The following GRIK2 variants were observed in gnomAD, a reference collection of about 807,000 sequenced individuals.
GRIK2 encodes the protein glutamate ionotropic receptor kainate type subunit 2, also known as glutamate receptor ionotropic, kainate 2.
A neutral mutation model predicts 100.3 loss-of-function variants in GRIK2; 32 were observed. The observed-to-expected ratio is 0.32, with a 90% CI of 0.24 to 0.43. The LOEUF is 0.43. GRIK2 is among the 20% of genes least tolerant of loss of function. The pLI, the probability that GRIK2 is intolerant of heterozygous loss-of-function variation, is 1.00. For missense variants in GRIK2, 843 were observed against 1,114.9 expected (o/e 0.76, Z 3.47); for synonymous variants, 417 against 389.4 (o/e 1.07, Z -0.83).
chr6:101,623,991 T>C (rs1302013214), intron 3 of GRIK2, among the ~76,000 whole-genome samples: 1 of 152,052 alleles, frequency 6.6e-6, no homozygotes, highest in Non-Finnish European at 1.5e-5. Flanking sequence ...AAAATAACTT[T>C]AGATATTTTA....
intron 7 of GRIK2, among the ~76,000 whole-genome samples, chr6:101,692,864 T>G (rs1772207358): frequency 6.6e-6 from 1 of 152,134 alleles, no homozygotes; most frequent in South Asian, 2.1e-4. Context: ...TTTCAGAGTA[T>G]GTAATGAAGT....
chr6:101,683,727 A>G (rs924001741), intron 6 of GRIK2, among the ~76,000 whole-genome samples: 1 of 152,224 alleles, frequency 6.6e-6, no homozygotes, highest in Non-Finnish European at 1.5e-5. Flanking sequence ...GAATTACTGT[A>G]TACTGTAAAA....
chr6:102,046,135 C>A (rs1770874972), intron 15 of GRIK2, among the ~76,000 whole-genome samples: 2 of 151,878 alleles, frequency 1.3e-5, no homozygotes, highest in Admixed American at 1.3e-4. Flanking sequence ...ATCAAGAGGA[C>A]ATAATAATTG....
chr6:101,784,170 A>C (rs1779280322), intron 7 of GRIK2, among the ~76,000 whole-genome samples: 1 of 152,220 alleles, frequency 6.6e-6, no homozygotes, highest in South Asian at 2.1e-4. Context: ...TCCTTCCATC[A>C]CAGGCCCAGA....
chr6:101,613,336 C>T (rs997681950), intron 2 of GRIK2, among the ~76,000 whole-genome samples: 5 of 151,850 alleles, frequency 3.3e-5, no homozygotes, highest in African/African-American at 1.2e-4. Flanking sequence ...TGATTTTTAT[C>T]ACTGACTTAG....
intron 2 of GRIK2, among the ~76,000 whole-genome samples, chr6:101,539,767 A>G (rs1337340577): frequency 6.6e-6 from 1 of 151,712 alleles, no homozygotes; most frequent in Non-Finnish European, 1.5e-5. Context: ...CATGAAAAAA[A>G]TTTTGTTTTG....
At chr6:101,832,757 C>T (rs1782786263) in intron 10 of GRIK2, among the ~76,000 whole-genome samples, 1 of 152,172 alleles carries the variant, frequency 6.6e-6, no homozygotes, top group African/African-American at 2.4e-5. Context: ...TCTTTCAATA[C>T]AGGTGCCCAT....
intron 12 of GRIK2, among the ~76,000 whole-genome samples, chr6:101,920,943 C>T (rs181264984): frequency 3.3e-5 from 5 of 151,466 alleles, no homozygotes; most frequent in South Asian, 2.1e-4. Flanking sequence ...AACTGGGAAG[C>T]GGTATATAGA....
At chr6:101,829,694 G>T (rs538587878) in intron 10 of GRIK2, among the ~76,000 whole-genome samples, 1 of 151,618 alleles carries the variant, frequency 6.6e-6, no homozygotes, top group African/African-American at 2.4e-5. Context: ...TAAAAAATGC[G>T]AAATGTCTTT....
At chr6:102,035,160 G>T (rs988228935) in intron 14 of GRIK2, among the ~76,000 whole-genome samples, 181 bp from the exon 15 acceptor site, 1 of 148,414 alleles carries the variant, frequency 6.7e-6, no homozygotes, top group African/African-American at 2.5e-5. Context: ...AAATTGCTAT[G>T]AGACAGTCAT....
chr6:101,466,919 G>C (rs565364600), intron 2 of GRIK2, among the ~76,000 whole-genome samples: 1 of 152,136 alleles, frequency 6.6e-6, no homozygotes, highest in Non-Finnish European at 1.5e-5. Context: ...AATTTTAAAG[G>C]TGTTCATTTA....
intron 12 of GRIK2, among the ~76,000 whole-genome samples, chr6:101,921,034 C>T (rs1019946163): frequency 7.9e-5 from 12 of 151,656 alleles, no homozygotes; most frequent in African/African-American, 2.4e-4. Flanking sequence ...TAGTATAGTG[C>T]CAATGGGAAT....
intron 4 of GRIK2, among the ~76,000 whole-genome samples, chr6:101,669,217 A>G (rs1050031591): frequency 2.6e-5 from 4 of 152,198 alleles, no homozygotes; most frequent in African/African-American, 2.4e-5. Flanking sequence ...GGCTGTTTTA[A>G]GGAGTTATAA....
chr6:101,625,890 C>A (rs1249090303), intron 3 of GRIK2, among the ~76,000 whole-genome samples: 1 of 152,034 alleles, frequency 6.6e-6, no homozygotes, highest in Non-Finnish European at 1.5e-5. Flanking sequence ...GCTGAGTGTT[C>A]GCATAACCCG....
intron 2 of GRIK2, among the ~76,000 whole-genome samples, chr6:101,433,887 C>T (rs1331622267): frequency 6.6e-6 from 1 of 152,094 alleles, no homozygotes; most frequent in Non-Finnish European, 1.5e-5. Context: ...TCAAGAGTAG[C>T]TTAAGGAACA....
At chr6:102,064,334 CTT>C (rs965103981) in intron 16 of GRIK2, among the ~76,000 whole-genome samples, 21 of 146,432 alleles carry the variant, frequency 1.4e-4, no homozygotes, top group African/African-American at 4.5e-4. Flanking sequence ...CTTTCCTTTC[CTT>C]TCTTTCCTTT....
At position 101,811,166 on chromosome 6, in the gene GRIK2, A is replaced by G. The variant is rs1266467776; in HGVS notation, c.1204-7204A>G. Among the ~76,000 whole-genome samples the G allele has an allele frequency of 3.9e-5, 6 of 152,052 alleles. No homozygotes were observed. The East Asian group carries it at 1.2e-3, about 29-fold the overall frequency. ...CTCATTACTGGAAAGAAATTTCTTTAAGCAAACATATTCTAAGATGGAGAG... is the reference window on the plus strand; with the variant it reads ...CTCATTACTGGAAAGAAATTTCTTTGAGCAAACATATTCTAAGATGGAGAG... On this transcript the variant is annotated intron_variant, in intron 9 of 16. Coordinates refer to ENST00000369134, the MANE Select transcript of GRIK2 (RefSeq NM_021956.5).
At chr6:101,654,171 C>T (rs1781948286) in intron 4 of GRIK2, among the ~76,000 whole-genome samples, 1 of 151,940 alleles carries the variant, frequency 6.6e-6, no homozygotes, top group African/African-American at 2.4e-5. Context: ...TTAGCATAAG[C>T]CTTGACCCCA....
intron 4 of GRIK2, among the ~76,000 whole-genome samples, chr6:101,643,517 G>A (rs1439179964): frequency 6.6e-6 from 1 of 151,410 alleles, no homozygotes; most frequent in Non-Finnish European, 1.5e-5. Context: ...AGAGTTTATT[G>A]TTGAAAATGA....
Sources: gnomAD v4.1 joint callset for allele counts (sites outside exome capture counted in the v4.1 genomes callset) on GRCh38, gnomAD v4.1.1 for gene constraint, MANE v1.5 for transcripts, NCBI Gene and HGNC (gene_info 2026-07-23, HGNC 2026-07-21) for gene names.